Variants in LUZP2 observed in about 807,000 individuals in gnomAD.
The protein encoded by LUZP2 is leucine zipper protein 2.
A neutral mutation model predicts 51.6 loss-of-function variants in LUZP2; 52 were observed. The observed-to-expected ratio is 1.01, with a 90% CI of 0.81 to 1.27. The LOEUF (loss-of-function observed/expected upper bound fraction) is 1.27. Ranked by LOEUF, LUZP2 falls within the 50% of genes most tolerant of loss-of-function variation. LUZP2 has a pLI of 0.00. For missense variants in LUZP2, 436 were observed against 395.4 expected, an observed-to-expected ratio of 1.10 and a Z score of -0.87; for synonymous variants, 154 against 137.3, an observed-to-expected ratio of 1.12 and a Z score of -0.85.
intron 9 of LUZP2, among the ~76,000 whole-genome samples, chr11:25,029,442 A>T (rs1450659716): frequency 6.6e-6 from 1 of 152,126 alleles, no homozygotes; most frequent in African/African-American, 2.4e-5. Flanking sequence ...AAAAGAAATA[A>T]AGAATGTGTA....
chr11:24,503,975 T>C (rs184677563), intron 1 of LUZP2, among the ~76,000 whole-genome samples: 19 of 152,310 alleles, frequency 1.2e-4, no homozygotes, highest in African/African-American at 4.6e-4. Context: ...CTGTGTTTAG[T>C]AGATTTTTGA....
intron 1 of LUZP2, among the ~76,000 whole-genome samples, chr11:24,712,499 A>G (rs1857872755): frequency 6.6e-6 from 1 of 152,186 alleles, no homozygotes; most frequent in Non-Finnish European, 1.5e-5. Flanking sequence ...CTGTGATACA[A>G]AATTACTAGG....
intron 1 of LUZP2, among the ~76,000 whole-genome samples, chr11:24,656,481 C>G (rs962123349): frequency 6.6e-6 from 1 of 152,096 alleles, no homozygotes; most frequent in African/African-American, 2.4e-5. Context: ...CTTAAAAGAA[C>G]ACAAATTTGT....
intron 1 of LUZP2, among the ~76,000 whole-genome samples, chr11:24,641,298 A>G (rs1225634514): frequency 6.6e-6 from 1 of 151,762 alleles, no homozygotes; most frequent in African/African-American, 2.4e-5. Flanking sequence ...CTAAAATATA[A>G]TATGATATCA....
intron 4 of LUZP2, among the ~76,000 whole-genome samples, chr11:24,747,140 A>C (rs1859411501): frequency 6.6e-6 from 1 of 152,084 alleles, no homozygotes; most frequent in Admixed American, 6.5e-5. Context: ...TCATATTACC[A>C]GTGTTGGTCT....
At chr11:25,004,044 T>C (rs1440195936) in intron 9 of LUZP2, among the ~76,000 whole-genome samples, 2 of 152,138 alleles carry the variant, frequency 1.3e-5, no homozygotes, top group Admixed American at 1.3e-4. Flanking sequence ...CATACCAGTG[T>C]CCAGGAGGAA....
chr11:24,890,317 GACAA>G (rs143936058), intron 5 of LUZP2, among the ~76,000 whole-genome samples: 3,468 of 152,096 alleles, frequency 0.023, 48 homozygotes, highest in South Asian at 0.046. Flanking sequence ...TTAATTACAT[GACAA>G]ACAGAAGAAG....
intron 5 of LUZP2, among the ~76,000 whole-genome samples, chr11:24,811,502 T>C (rs942992079): frequency 6.6e-6 from 1 of 152,130 alleles, no homozygotes; most frequent in South Asian, 2.1e-4. Flanking sequence ...TCCTTTTTTT[T>C]TTACTTTTAT....
intron 1 of LUZP2, among the ~76,000 whole-genome samples, chr11:24,605,773 A>G (rs1565023837): frequency 6.6e-6 from 1 of 151,824 alleles, no homozygotes. Context: ...TGTACCTTAC[A>G]TTTTTATTAT....
In LUZP2 at chr11:25,019,038, A is replaced by ATC. The variant is rs780767470; in HGVS notation, c.766-30999_766-30998insCT. Among the ~76,000 whole-genome samples the ATC allele has an allele frequency of 1.6e-3, 250 of 152,276 alleles. 1 individual carries two copies. Among genetic ancestry groups the ATC allele is most frequent in the Non-Finnish European group, 1.0e-3 (71 of 68,022 alleles). On this transcript the variant is annotated intron_variant, in intron 9 of 11. Transcript: ENST00000336930. ...ACATGCAGCCTCCCACATTATCAAC[A>ATC]TTTTACGCCAGAGTGGCACATTTGT...
intron 2 of LUZP2, among the ~76,000 whole-genome samples, chr11:24,731,349 A>AT (rs778306017): frequency 7.9e-6 from 1 of 125,980 alleles, no homozygotes; most frequent in Non-Finnish European, 1.6e-5. Flanking sequence ...TGCAAACAAT[A>AT]TTCTTGCCTC....
chr11:25,027,312 C>A (rs1018441676), intron 9 of LUZP2, among the ~76,000 whole-genome samples: 1 of 152,010 alleles, frequency 6.6e-6, no homozygotes, highest in African/African-American at 2.4e-5. Context: ...TGCTAATATT[C>A]TATTTCTCAT....
chr11:24,764,293 G>C (rs552669608), intron 5 of LUZP2, among the ~76,000 whole-genome samples: 1 of 151,990 alleles, frequency 6.6e-6, no homozygotes, highest in East Asian at 1.9e-4. Flanking sequence ...TACATAAGTA[G>C]CATCAGTTCA....
At chr11:24,666,491 G>T (rs939373800) in intron 1 of LUZP2, among the ~76,000 whole-genome samples, 3 of 152,154 alleles carry the variant, frequency 2.0e-5, no homozygotes, top group African/African-American at 7.2e-5. Flanking sequence ...CATTGGAAAA[G>T]ATGGAAAGAA....
chr11:24,683,329 A>G (rs1856804592), intron 1 of LUZP2, among the ~76,000 whole-genome samples: 1 of 152,196 alleles, frequency 6.6e-6, no homozygotes, highest in African/African-American at 2.4e-5. Flanking sequence ...CTTGTCACAT[A>G]TCAGTAGGTA....
chr11:24,770,826 T>A (rs1239215935), intron 5 of LUZP2, among the ~76,000 whole-genome samples: 1 of 152,160 alleles, frequency 6.6e-6, no homozygotes, highest in Non-Finnish European at 1.5e-5. Context: ...AAAATACAGC[T>A]TATAGGTTGT....
At chr11:24,532,245 T>C (rs1211142572) in intron 1 of LUZP2, among the ~76,000 whole-genome samples, 1 of 150,214 alleles carries the variant, frequency 6.7e-6, no homozygotes, top group Non-Finnish European at 1.5e-5. Flanking sequence ...AAACAAAGCA[T>C]ATTGCAATTA....
chr11:24,871,624 A>T (rs1339893042), intron 5 of LUZP2, among the ~76,000 whole-genome samples: 2 of 152,066 alleles, frequency 1.3e-5, no homozygotes, highest in Non-Finnish European at 2.9e-5. Flanking sequence ...ATTCTGAGAT[A>T]TCCTTCAGCA....
intron 1 of LUZP2, among the ~76,000 whole-genome samples, chr11:24,586,037 C>G: frequency 6.6e-6 from 1 of 152,040 alleles, no homozygotes; most frequent in Admixed American, 6.6e-5. Flanking sequence ...GCCTCTCAAT[C>G]CAACAGTATT....
Sources: gnomAD v4.1 joint callset for allele counts (sites outside exome capture counted in the v4.1 genomes callset) on GRCh38, gnomAD v4.1.1 for gene constraint, MANE v1.5 for transcripts, NCBI Gene and HGNC (gene_info 2026-07-23, HGNC 2026-07-21) for gene names.